The following LRP1B variants were observed in gnomAD, a reference collection of about 807,000 sequenced individuals.
LRP1B encodes low-density lipoprotein receptor-related protein 1B.
Under a neutral mutation model 556.6 loss-of-function variants are expected in LRP1B, and 217 were observed. The observed-to-expected ratio is 0.39, with a 90% CI of 0.35 to 0.44. LRP1B has a LOEUF of 0.44. Ranked by LOEUF, LRP1B falls within the 20% of genes least tolerant of loss-of-function variation. The pLI is 1.00. For synonymous variants in LRP1B, 2,047 were observed against 1,865.8 expected (o/e 1.10, Z -2.50); for missense variants, 5,053 against 5,620.8 (o/e 0.90, Z 3.23).
intron 2 of LRP1B, among the ~76,000 whole-genome samples, chr2:141,524,331 T>C (rs1313374913): frequency 1.3e-5 from 2 of 151,698 alleles, no homozygotes; most frequent in African/African-American, 4.8e-5. Flanking sequence ...GTGAGCAACT[T>C]AGTGGCCTAC....
intron 43 of LRP1B, among the ~76,000 whole-genome samples, chr2:140,562,956 A>C (rs189212223): frequency 2.6e-5 from 4 of 152,246 alleles, no homozygotes; most frequent in Admixed American, 6.5e-5. Context: ...AAATTAAATA[A>C]AAAAATTAAA....
chr2:141,265,819 A>T (rs1453286422), intron 3 of LRP1B, among the ~76,000 whole-genome samples: 1 of 152,190 alleles, frequency 6.6e-6, no homozygotes, highest in Non-Finnish European at 1.5e-5. Flanking sequence ...TTGCTGAAAC[A>T]CATTCAGTTT....
At chr2:141,446,107 T>C (rs1681183882) in intron 3 of LRP1B, among the ~76,000 whole-genome samples, 1 of 152,174 alleles carries the variant, frequency 6.6e-6, no homozygotes, top group Admixed American at 6.5e-5. Context: ...TGCTCCTGTA[T>C]TGTGTGCATA....
chr2:140,516,708 T>C (rs1201381479), intron 50 of LRP1B, among the ~76,000 whole-genome samples, 181 bp downstream of exon 50: 1 of 152,120 alleles, frequency 6.6e-6, no homozygotes, highest in Non-Finnish European at 1.5e-5. Context: ...AGAGTGTTAG[T>C]CTTCATTATA....
intron 23 of LRP1B, among the ~76,000 whole-genome samples, chr2:140,902,626 A>G (rs1694137280): frequency 6.6e-6 from 1 of 152,178 alleles, no homozygotes; most frequent in South Asian, 2.1e-4. Flanking sequence ...ACACAGAGAA[A>G]CAAAGCAACT....
In LRP1B at chr2:142,059,415, T is replaced by A. The variant is rs1704812753; in HGVS notation, c.82+71233A>T. 3.3e-5 allele frequency among the ~76,000 whole-genome samples: 5 copies of A among 152,078 alleles called. No homozygotes were observed. In the South Asian group the frequency reaches 1.0e-3, roughly 31 times the overall value. ...TATATCCACATCCTATAAAAATGAG[T>A]TTATGTTTAAGTGACCATACTAATT... On this transcript the variant is annotated intron_variant, in intron 1 of 90. Transcript: ENST00000389484.
At chr2:140,335,206 G>A (rs13411222) in intron 78 of LRP1B, among the ~76,000 whole-genome samples, 132,497 of 150,328 alleles carry the variant, frequency 0.88, 58,090 homozygotes, top group East Asian at 0.97. Flanking sequence ...ATATATATAT[G>A]TGTGTGTGTG....
intron 2 of LRP1B, among the ~76,000 whole-genome samples, chr2:141,575,848 C>G (rs1311486153): frequency 6.6e-6 from 1 of 151,580 alleles, no homozygotes; most frequent in Non-Finnish European, 1.5e-5. Context: ...TGAAAAAAAG[C>G]TCAACATCAC....
At chr2:140,985,613 C>A (rs1558782754) in intron 17 of LRP1B, among the ~76,000 whole-genome samples, 1 of 151,952 alleles carries the variant, frequency 6.6e-6, no homozygotes, top group Non-Finnish European at 1.5e-5. Context: ...CGGCTACCAA[C>A]ACCCTGACTG....
chr2:142,008,616 T>G (rs1702866801), intron 1 of LRP1B, among the ~76,000 whole-genome samples: 1 of 152,078 alleles, frequency 6.6e-6, no homozygotes, highest in Non-Finnish European at 1.5e-5. Flanking sequence ...TATGAAAAGT[T>G]TTGAGTTTCT....
chr2:140,293,996 G>A (rs1171076415), intron 84 of LRP1B, among the ~76,000 whole-genome samples: 1 of 152,144 alleles, frequency 6.6e-6, no homozygotes, highest in Non-Finnish European at 1.5e-5. Context: ...TCTTTATAAA[G>A]CATCAGGCTA....
At chr2:141,131,627 A>G (rs1021139089) in intron 7 of LRP1B, among the ~76,000 whole-genome samples, 16 of 151,610 alleles carry the variant, frequency 1.1e-4, no homozygotes, top group Non-Finnish European at 1.5e-5. Flanking sequence ...TTAATTATGG[A>G]AAGAATTTAA....
At chr2:141,087,189 A>AGGATGTATTTGGT (rs1553457891) in intron 7 of LRP1B, among the ~76,000 whole-genome samples, 1 of 148,468 alleles carries the variant, frequency 6.7e-6, no homozygotes, top group African/African-American at 2.5e-5. Context: ...AATACTAGTG[A>AGGATGTATTTGGT]GTATTATGCT....
intron 2 of LRP1B, among the ~76,000 whole-genome samples, chr2:141,591,846 A>G (rs1363814937): frequency 6.6e-6 from 1 of 151,270 alleles, no homozygotes; most frequent in African/African-American, 2.4e-5. Context: ...GCCAGCTGTT[A>G]TTTAGCCAGC....
intron 27 of LRP1B, among the ~76,000 whole-genome samples, chr2:140,859,818 C>T (rs1034483233): frequency 2.1e-4 from 32 of 151,996 alleles, no homozygotes; most frequent in African/African-American, 7.5e-4. Flanking sequence ...CACGGTGAAA[C>T]CCCATCTCTA....
intron 1 of LRP1B, among the ~76,000 whole-genome samples, chr2:141,924,297 C>T (rs948275137): frequency 2.6e-5 from 4 of 152,086 alleles, no homozygotes; most frequent in Admixed American, 2.6e-4. Flanking sequence ...AGTTTGGCTG[C>T]TTGATAGCCA....
intron 75 of LRP1B, among the ~76,000 whole-genome samples, chr2:140,355,775 T>C (rs538677575): frequency 6.6e-6 from 1 of 151,952 alleles, no homozygotes; most frequent in African/African-American, 2.4e-5. Flanking sequence ...AGAACACTGA[T>C]GTAATTATAT....
chr2:141,284,107 A>G (rs1286975399), intron 3 of LRP1B, among the ~76,000 whole-genome samples: 1 of 152,174 alleles, frequency 6.6e-6, no homozygotes, highest in Non-Finnish European at 1.5e-5. Context: ...GGGAAGTTTG[A>G]AAATAAAAAT....
chr2:140,519,772 TCAAA>T (rs1282518610), intron 49 of LRP1B, among the ~76,000 whole-genome samples: 2 of 151,492 alleles, frequency 1.3e-5, no homozygotes, highest in African/African-American at 2.4e-5. Flanking sequence ...CAAGAAAAAA[TCAAA>T]CAACCCCATC....
Sources: allele counts gnomAD v4.1 joint callset (sites outside exome capture counted in the v4.1 genomes callset), GRCh38; gene constraint gnomAD v4.1.1; transcripts MANE v1.5; gene names NCBI Gene and HGNC (gene_info 2026-07-23, HGNC 2026-07-21).